Variants in TJP1 observed in about 807,000 individuals in gnomAD.
TJP1 encodes tight junction protein ZO-1.
In TJP1, 43 loss-of-function variants were observed where a neutral mutation model predicts 194.2. The observed-to-expected ratio is 0.22, with a 90% CI of 0.17 to 0.29. The LOEUF (loss-of-function observed/expected upper bound fraction) is 0.29. TJP1 is among the 10% of genes least tolerant of loss of function. The pLI, the probability that TJP1 is intolerant of heterozygous loss-of-function variation, is 1.00. For synonymous variants in TJP1, 801 were observed against 779.0 expected, an observed-to-expected ratio of 1.03 and a Z score of -0.47; for missense variants, 1,971 against 2,185.7, an observed-to-expected ratio of 0.90 and a Z score of 1.96.
intron 1 of TJP1, among the ~76,000 whole-genome samples, chr15:29,817,032 G>A (rs1321163680): frequency 6.6e-6 from 1 of 152,156 alleles, no homozygotes; most frequent in Non-Finnish European, 1.5e-5. Context: ...CCTACAGAAT[G>A]GGAGAAAAAC....
At chr15:29,879,284 G>A (rs184571410) in intron 2 of TJP1, among the ~76,000 whole-genome samples, 2 of 152,278 alleles carry the variant, frequency 1.3e-5, no homozygotes, top group African/African-American at 2.4e-5. Context: ...GAAAGGTAAC[G>A]CCATGCGGTC....
At chr15:29,862,066 T>C (rs1264331273) in intron 2 of TJP1, among the ~76,000 whole-genome samples, 3 of 152,180 alleles carry the variant, frequency 2.0e-5, no homozygotes, top group East Asian at 1.9e-4. Flanking sequence ...CAGGTAGATA[T>C]ACACTTGTCC....
At chr15:29,923,727 T>C (rs2054438797) in intron 2 of TJP1, among the ~76,000 whole-genome samples, 1 of 152,218 alleles carries the variant, frequency 6.6e-6, no homozygotes, top group Non-Finnish European at 1.5e-5. Context: ...TTCAACTCTA[T>C]GCATGTAGTA....
chr15:29,924,221 C>T (rs1445188404), intron 2 of TJP1, among the ~76,000 whole-genome samples: 1 of 152,118 alleles, frequency 6.6e-6, no homozygotes, highest in African/African-American at 2.4e-5. Flanking sequence ...ACTACAGGCA[C>T]ACGCCACCAC....
At chr15:29,797,581 T>C (rs960743476) in intron 2 of TJP1, among the ~76,000 whole-genome samples, 118 of 146,386 alleles carry the variant, frequency 8.1e-4, no homozygotes, top group Non-Finnish European at 1.5e-3. Context: ...CCTGAATACG[T>C]TAAAAAAAAA....
At chr15:29,801,843 G>A (rs2048811163) in intron 1 of TJP1, among the ~76,000 whole-genome samples, 1 of 151,590 alleles carries the variant, frequency 6.6e-6, no homozygotes. Flanking sequence ...AATTGTCTTG[G>A]GCCACACATA....
chr15:29,758,193 A>AT (rs2045770773), intron 8 of TJP1, among the ~76,000 whole-genome samples: 1 of 152,150 alleles, frequency 6.6e-6, no homozygotes, highest in South Asian at 2.1e-4. Flanking sequence ...GGGAAGTTAA[A>AT]AATCACAGGT....
chr15:29,816,276 G>A (rs777005664), intron 1 of TJP1, among the ~76,000 whole-genome samples: 1 of 152,032 alleles, frequency 6.6e-6, no homozygotes, highest in African/African-American at 2.4e-5. Flanking sequence ...TGATATGCCC[G>A]CCTCAGCCTC....
At chr15:29,888,956 A>G (rs79675733) in intron 2 of TJP1, among the ~76,000 whole-genome samples, 2,809 of 152,326 alleles carry the variant, frequency 0.018, 45 homozygotes, top group Non-Finnish European at 0.027. Flanking sequence ...ATCTAGTGCT[A>G]TAAGTGCAAA....
chr15:29,778,334 A>G (rs1169962956), intron 2 of TJP1, among the ~76,000 whole-genome samples: 1 of 146,562 alleles, frequency 6.8e-6, no homozygotes, highest in African/African-American at 2.5e-5. Context: ...GGTGGACTTA[A>G]AAAAAAAAAA....
Position 29,822,327 on chromosome 15 carries a change from G to T in TJP1, c.-299C>A. The T allele has an allele frequency of 9.2e-7, 1 of 1,083,594 alleles. No homozygotes were observed. Among genetic ancestry groups the T allele is most frequent in the Non-Finnish European group, 1.1e-6 (1 of 892,850 alleles). The allele number at this position is 1,083,594 out of a possible 1,614,324, so 67.1% of individuals were successfully genotyped here. A position where few individuals can be genotyped will look rare whatever the true frequency, so the allele number is the denominator to read the frequency against. On this transcript the variant is annotated 5_prime_UTR_variant, in exon 1 of 28. Transcript: ENST00000614355. ...CAGCCCGGCCACGTCGGCCTCGCCC[G>T]GTCGCCCGCCCGTCAGCAGCACCCG...
intron 2 of TJP1, among the ~76,000 whole-genome samples, chr15:29,775,645 A>T (rs945282514): frequency 2.0e-5 from 3 of 151,976 alleles, no homozygotes; most frequent in African/African-American, 7.2e-5. Flanking sequence ...CCATACACTC[A>T]TCATAATTCA....
At chr15:29,796,247 C>T (rs1432544461) in intron 2 of TJP1, among the ~76,000 whole-genome samples, 2 of 151,562 alleles carry the variant, frequency 1.3e-5, no homozygotes, top group Non-Finnish European at 2.9e-5. Context: ...CCTCTATACA[C>T]AGATGACATG....
At chr15:29,848,352 C>A (rs2051499920) in intron 2 of TJP1, among the ~76,000 whole-genome samples, 3 of 152,104 alleles carry the variant, frequency 2.0e-5, no homozygotes, top group African/African-American at 4.8e-5. Flanking sequence ...CTCTTTACAG[C>A]TTTATCAATT....
chr15:29,727,757 C>T (rs1411512643), intron 16 of TJP1, among the ~76,000 whole-genome samples, 180 bp downstream of exon 16: 3 of 152,118 alleles, frequency 2.0e-5, no homozygotes, highest in Non-Finnish European at 4.4e-5. Context: ...TCTTCTGATG[C>T]CTACAGTAAC....
chr15:29,760,033 G>C (rs2045899975), intron 8 of TJP1: 1 of 502,348 alleles, frequency 2.0e-6, no homozygotes, highest in Non-Finnish European at 3.5e-6. Flanking sequence ...ATTTTTTGAG[G>C]AACCTCCATA....
chr15:29,742,527 C>G, intron 9 of TJP1, 115 bp downstream of exon 9: 1 of 1,248,594 alleles, frequency 8.0e-7, no homozygotes. Flanking sequence ...CATATGCAGA[C>G]AAATTCACAC....
At chr15:29,855,733 G>A (rs775480864) in intron 2 of TJP1, among the ~76,000 whole-genome samples, 21 of 152,134 alleles carry the variant, frequency 1.4e-4, no homozygotes, top group Admixed American at 7.9e-4. Context: ...GCACGCGCCT[G>A]TAATCCCAGT....
upstream of TJP1, chr15:29,822,631 A>G (rs1173521288): frequency 3.4e-6 from 1 of 291,598 alleles, no homozygotes; most frequent in African/African-American, 2.3e-5. Flanking sequence ...AAAGCCGGGT[A>G]ACCCAAGTAA....
Sources: allele counts gnomAD v4.1 joint callset (sites outside exome capture counted in the v4.1 genomes callset), GRCh38; gene constraint gnomAD v4.1.1; transcripts MANE v1.5; gene names NCBI Gene and HGNC (gene_info 2026-07-23, HGNC 2026-07-21).